ZFTRAF1: variants seen among roughly 807,000 people sequenced by gnomAD.
ZFTRAF1 encodes zinc finger TRAF-type-containing protein 1.
chr8:144,452,164 C>T, the ZFTRAF1 span: 11 of 698,948 alleles, frequency 1.6e-5, no homozygotes, highest in East Asian at 1.9e-4. Flanking sequence ...GGGTCTGCCT[C>T]GGCCCCTCCT....
the ZFTRAF1 span, among the ~76,000 whole-genome samples, chr8:144,458,097 C>A: frequency 1.3e-5 from 2 of 152,258 alleles, no homozygotes; most frequent in Non-Finnish European, 2.9e-5. Flanking sequence ...CGGCCCCTAA[C>A]CTCCCGAATC....
the ZFTRAF1 span, chr8:144,453,613 G>C: frequency 1.5e-6 from 1 of 660,754 alleles, no homozygotes; most frequent in Non-Finnish European, 2.6e-6. Context: ...GCTGGAGTGT[G>C]GTGAACACTG....
the ZFTRAF1 span, chr8:144,453,466 A>G: frequency 6.5e-7 from 1 of 1,545,692 alleles, no homozygotes; most frequent in African/African-American, 1.4e-5. Flanking sequence ...GTACACTGCG[A>G]AGAAGGAAAG....
the ZFTRAF1 span, among the ~76,000 whole-genome samples, chr8:144,461,342 G>A: frequency 6.6e-6 from 1 of 152,194 alleles, no homozygotes; most frequent in Non-Finnish European, 1.5e-5. Flanking sequence ...CTGGGGAGTT[G>A]AAAGAGAGGG....
At chr8:144,453,187 C>T in the ZFTRAF1 span, 2 of 1,535,964 alleles carry the variant, frequency 1.3e-6, no homozygotes. Context: ...GTCCTGGGCC[C>T]CGCCTGTAAG....
chr8:144,460,105 A>C, the ZFTRAF1 span, among the ~76,000 whole-genome samples: 1 of 152,280 alleles, frequency 6.6e-6, no homozygotes, highest in Admixed American at 6.5e-5. Flanking sequence ...TTCCAGGGGC[A>C]CCACTCACAG....
chr8:144,461,830 T>A, the ZFTRAF1 span, among the ~76,000 whole-genome samples: 1 of 151,010 alleles, frequency 6.6e-6, no homozygotes, highest in Non-Finnish European at 1.5e-5. Context: ...AACTCGGGGG[T>A]GTGGCTGCCG....
the ZFTRAF1 span, among the ~76,000 whole-genome samples, chr8:144,458,636 T>C: frequency 0.028 from 4,295 of 152,174 alleles, 93 homozygotes; most frequent in Middle Eastern, 0.065. Context: ...ACATGTGGCA[T>C]AGAGACATGG....
At chr8:144,461,040 G>C in the ZFTRAF1 span, among the ~76,000 whole-genome samples, 1 of 152,212 alleles carries the variant, frequency 6.6e-6, no homozygotes, top group South Asian at 2.1e-4. Flanking sequence ...TGCTCCCCTA[G>C]CTGGCCCTGG....
the ZFTRAF1 span, chr8:144,453,511 C>T: frequency 1.5e-5 from 22 of 1,467,882 alleles, no homozygotes; most frequent in South Asian, 3.9e-5. Flanking sequence ...GGCTCATGCT[C>T]GCACACACCC....
the ZFTRAF1 span, chr8:144,453,623 G>T: frequency 1.6e-6 from 1 of 636,060 alleles, no homozygotes; most frequent in Non-Finnish European, 2.7e-6. Flanking sequence ...GGTGAACACT[G>T]CGAGCTGCTC....
chr8:144,458,177 C>G, the ZFTRAF1 span, among the ~76,000 whole-genome samples: 1 of 152,232 alleles, frequency 6.6e-6, no homozygotes, highest in East Asian at 1.9e-4. Context: ...AGCCAGGACT[C>G]GAACCCTCCA....
At chr8:144,451,742 G>A in the ZFTRAF1 span, 2 of 164,366 alleles carry the variant, frequency 1.2e-5, no homozygotes, top group East Asian at 1.7e-4. Flanking sequence ...CACGTTCAAA[G>A]GCGGTGGCAG....
chr8:144,460,992 AG>A, the ZFTRAF1 span, among the ~76,000 whole-genome samples: 1 of 152,212 alleles, frequency 6.6e-6, no homozygotes, highest in Non-Finnish European at 1.5e-5. Flanking sequence ...AAAGCCAAGG[AG>A]TAACTGCTAA....
chr8:144,462,407 G>A, the ZFTRAF1 span: 3 of 373,142 alleles, frequency 8.0e-6, no homozygotes, highest in East Asian at 4.3e-5. Context: ...CGCCTCGGCT[G>A]CCCGCAGCCG....
chr8:144,450,197 G>T, the ZFTRAF1 span: 2 of 580,468 alleles, frequency 3.4e-6, no homozygotes, highest in Non-Finnish European at 6.2e-6. Flanking sequence ...GGGTCGGGGG[G>T]GTGAGCCGGA....
chr8:144,461,411 CCTG>C, the ZFTRAF1 span, among the ~76,000 whole-genome samples: 1 of 152,206 alleles, frequency 6.6e-6, no homozygotes, highest in Admixed American at 6.5e-5. Flanking sequence ...CCAGTTTGTC[CCTG>C]CTGCTACCTG....
chr8:144,460,426 G>T, the ZFTRAF1 span, among the ~76,000 whole-genome samples: 22 of 152,240 alleles, frequency 1.4e-4, no homozygotes, highest in Non-Finnish European at 3.2e-4. Context: ...GGCCAGTCTA[G>T]ATGGGGGATG....
At chr8:144,458,399 G>A in the ZFTRAF1 span, among the ~76,000 whole-genome samples, 7 of 152,218 alleles carry the variant, frequency 4.6e-5, no homozygotes, top group Admixed American at 1.3e-4. Context: ...CTAAGCAGAC[G>A]TATTTACAAA....
Sources: gnomAD v4.1 joint callset for allele counts (sites outside exome capture counted in the v4.1 genomes callset) on GRCh38, gnomAD v4.1.1 for gene constraint, MANE v1.5 for transcripts, NCBI Gene and HGNC (gene_info 2026-07-23, HGNC 2026-07-21) for gene names.